The following EYS variants were observed in gnomAD, a reference collection of about 807,000 sequenced individuals.
The protein encoded by EYS is protein eyes shut homolog.
Under a neutral mutation model 282.1 loss-of-function variants are expected in EYS, and 250 were observed. That is an observed-to-expected ratio of 0.89 (90% CI 0.80 to 0.98). The LOEUF (loss-of-function observed/expected upper bound fraction) is 0.98, where lower values mean the gene tolerates loss of function less well. Ranked by LOEUF, EYS falls within the 50% of genes least tolerant of loss-of-function variation. The probability of loss-of-function intolerance (pLI) is 0.00; values close to 1 mark genes in which losing one functional copy is unlikely to be tolerated. For missense variants in EYS, 4,016 were observed against 3,709.0 expected (o/e 1.08, Z -2.15); for synonymous variants, 1,355 against 1,282.9 (o/e 1.06, Z -1.20).
intron 26 of EYS, among the ~76,000 whole-genome samples, chr6:64,501,380 A>C (rs1777037911): frequency 6.6e-6 from 1 of 152,110 alleles, no homozygotes; most frequent in Admixed American, 6.5e-5. Flanking sequence ...AGCAGAAACA[A>C]AAAACGTTAT....
chr6:64,008,810 T>C (rs1768470059), intron 33 of EYS, among the ~76,000 whole-genome samples: 1 of 152,208 alleles, frequency 6.6e-6, no homozygotes, highest in Non-Finnish European at 1.5e-5. Flanking sequence ...CTTCTTGCTT[T>C]TAGGGTTTCT....
intron 28 of EYS, among the ~76,000 whole-genome samples, chr6:64,418,437 G>T (rs1243879848): frequency 6.6e-6 from 1 of 152,148 alleles, no homozygotes; most frequent in African/African-American, 2.4e-5. Context: ...TAAGTCTAAA[G>T]GAGTCTTTCC....
chr6:64,869,274 T>A (rs963780755), intron 19 of EYS, among the ~76,000 whole-genome samples: 21 of 151,668 alleles, frequency 1.4e-4, no homozygotes, highest in Admixed American at 1.3e-4. Flanking sequence ...TATTCTGAAT[T>A]AACTAAAAAT....
At chr6:64,777,798 A>T (rs1289160648) in intron 22 of EYS, among the ~76,000 whole-genome samples, 1 of 152,140 alleles carries the variant, frequency 6.6e-6, no homozygotes, top group Non-Finnish European at 1.5e-5. Context: ...CACTATTTTA[A>T]TCTGAGGAAA....
intron 19 of EYS, among the ~76,000 whole-genome samples, chr6:64,876,978 G>A (rs1026747338): frequency 6.6e-6 from 1 of 152,154 alleles, no homozygotes; most frequent in Non-Finnish European, 1.5e-5. Flanking sequence ...ATCACTCTGG[G>A]TGCTAGATAG....
chr6:65,006,668 G>T (rs1276109661), intron 13 of EYS, among the ~76,000 whole-genome samples: 4 of 152,080 alleles, frequency 2.6e-5, no homozygotes, highest in Non-Finnish European at 4.4e-5. Context: ...CCATACAAAG[G>T]TCCGACCAGA....
chr6:64,586,313 A>T (rs1766231970), intron 26 of EYS, among the ~76,000 whole-genome samples: 1 of 152,112 alleles, frequency 6.6e-6, no homozygotes, highest in Admixed American at 6.6e-5. Flanking sequence ...CAAAACTGAG[A>T]AATAAATACC....
intron 31 of EYS, among the ~76,000 whole-genome samples, chr6:64,133,560 T>C (rs1431195263): frequency 2.0e-5 from 3 of 151,780 alleles, no homozygotes; most frequent in Non-Finnish European, 4.4e-5. Flanking sequence ...ATAGTGCTCA[T>C]TGCAAATACA....
rs1769007604 is a variant in EYS, at chr6:65,560,429, CTT to C, written c.-332-64438_-332-64437del. Among the ~76,000 whole-genome samples the C allele has an allele frequency of 4.8e-5, 7 of 144,880 alleles. No homozygotes were observed. In the South Asian group the frequency reaches 1.5e-3, roughly 32 times the overall value. ...AATTATATAATAACAATATTCAAAACTTGTATATATTGCAGGACACAAATAAA... is the reference window on the plus strand; with the variant it reads ...AATTATATAATAACAATATTCAAAACGTATATATTGCAGGACACAAATAAA... On this transcript the variant is annotated intron_variant, in intron 2 of 42. Coordinates refer to ENST00000503581, the MANE Select transcript of EYS (RefSeq NM_001142800.2).
chr6:65,180,792 C>T (rs1435284766), intron 12 of EYS, among the ~76,000 whole-genome samples: 1 of 152,150 alleles, frequency 6.6e-6, no homozygotes, highest in Non-Finnish European at 1.5e-5. Context: ...CATCACCCTA[C>T]CTGACTTCAA....
chr6:65,506,062 T>G (rs915924657), intron 2 of EYS, among the ~76,000 whole-genome samples: 4 of 152,180 alleles, frequency 2.6e-5, no homozygotes, highest in Admixed American at 2.6e-4. Context: ...ATAACGTTGC[T>G]AGGTGCATGC....
chr6:64,061,815 C>G (rs1486185704), intron 33 of EYS, among the ~76,000 whole-genome samples: 1 of 151,926 alleles, frequency 6.6e-6, no homozygotes, highest in African/African-American at 2.4e-5. Flanking sequence ...CATGGAGAAA[C>G]CTGTTCTCTA....
chr6:65,362,593 A>ATACAT (rs1478004219), intron 8 of EYS, among the ~76,000 whole-genome samples: 4 of 151,684 alleles, frequency 2.6e-5, no homozygotes, highest in African/African-American at 9.7e-5. Context: ...ATATGTACGT[A>ATACAT]TACATTTATA....
At chr6:64,574,448 A>G (rs1463071376) in intron 26 of EYS, among the ~76,000 whole-genome samples, 4 of 152,102 alleles carry the variant, frequency 2.6e-5, no homozygotes, top group Admixed American at 2.0e-4. Context: ...TTAAAAAAAT[A>G]TTTTCAGTTA....
At chr6:63,988,030 C>A (rs1424383805) in intron 34 of EYS, among the ~76,000 whole-genome samples, 1 of 151,464 alleles carries the variant, frequency 6.6e-6, no homozygotes, top group Non-Finnish European at 1.5e-5. Flanking sequence ...AGTATTTCTT[C>A]TTATTTAGGT....
chr6:65,061,420 A>G (rs1583446448), intron 12 of EYS, among the ~76,000 whole-genome samples: 1 of 151,932 alleles, frequency 6.6e-6, no homozygotes, highest in African/African-American at 2.4e-5. Flanking sequence ...TCACAGCAAT[A>G]TTAAGCAGAG....
intron 12 of EYS, among the ~76,000 whole-genome samples, chr6:65,164,209 T>C (rs1764915810): frequency 6.6e-6 from 1 of 151,386 alleles, no homozygotes. Flanking sequence ...ATGTTAACTT[T>C]GTTTTATGGC....
chr6:65,575,119 G>A (rs962075550), intron 2 of EYS, among the ~76,000 whole-genome samples: 2 of 151,868 alleles, frequency 1.3e-5, no homozygotes, highest in Non-Finnish European at 2.9e-5. Flanking sequence ...TCAGGAGTTC[G>A]AGACCAGCCT....
intron 11 of EYS, chr6:65,330,562 G>A: frequency 1.0e-6 from 1 of 981,246 alleles, no homozygotes; most frequent in Non-Finnish European, 1.2e-6. Context: ...ATGCAGACCT[G>A]TTTGCAATAC....
Sources: gnomAD v4.1 joint callset for allele counts (sites outside exome capture counted in the v4.1 genomes callset) on GRCh38, gnomAD v4.1.1 for gene constraint, MANE v1.5 for transcripts, NCBI Gene and HGNC (gene_info 2026-07-23, HGNC 2026-07-21) for gene names.